The following ANXA13 variants were observed in gnomAD, a reference collection of about 807,000 sequenced individuals.
The protein encoded by ANXA13 is annexin XIII.
A neutral mutation model predicts 46.6 loss-of-function variants in ANXA13; 36 were observed. The observed-to-expected ratio is 0.77, with a 90% CI of 0.59 to 1.02. The LOEUF (loss-of-function observed/expected upper bound fraction) is 1.02. Ranked by LOEUF, ANXA13 falls within the 50% of genes least tolerant of loss-of-function variation. The probability of loss-of-function intolerance (pLI) is 0.00; values close to 1 mark genes in which losing one functional copy is unlikely to be tolerated. For synonymous variants in ANXA13, 163 were observed against 152.9 expected (o/e 1.07, Z -0.49); for missense variants, 417 against 396.5 (o/e 1.05, Z -0.44).
At chr8:123,681,798 T>C (rs1813045242) in intron 10 of ANXA13, among the ~76,000 whole-genome samples, 1 of 151,958 alleles carries the variant, frequency 6.6e-6, no homozygotes, top group African/African-American at 2.4e-5. Context: ...TTTTTTTCTG[T>C]ATTTTTAGTA....
chr8:123,712,695 T>G lies in ANXA13; in HGVS notation c.74A>C (p.Lys25Thr). ...DVDRDAKKLNKACKGMGTNEA... is the reference protein window; with the variant it reads ...DVDRDAKKLNTACKGMGTNEA... ...TCTCATACCCATTCCTTTGCAGGCT[T>G]TGTTCAGCTTTTTGGCATCTCGATC... Residue 25 changes from lysine to threonine, a missense_variant, in exon 2 of 11, where the codon AAA becomes ACA. Transcript: ENST00000419625. 1 of 1,614,208 alleles carries G rather than the reference T, an allele frequency of 6.2e-7. No homozygotes were observed. The highest frequency in any genetic ancestry group is 8.5e-7 in the Non-Finnish European group (1 of 1,180,026).
intron 4 of ANXA13, among the ~76,000 whole-genome samples, chr8:123,697,860 A>G (rs1028369135): frequency 8.5e-5 from 13 of 152,246 alleles, no homozygotes; most frequent in Admixed American, 8.5e-4. Flanking sequence ...CAAAGGTGGC[A>G]TGTGCCGAGT....
At chr8:123,687,989 G>T (rs1381596796) in intron 9 of ANXA13, among the ~76,000 whole-genome samples, 1 of 152,194 alleles carries the variant, frequency 6.6e-6, no homozygotes, top group African/African-American at 2.4e-5. Context: ...TGAAAACATT[G>T]AAAGGAACCA....
At position 123,712,740 on chromosome 8, in the gene ANXA13, C is replaced by T. The variant is rs1489939892; in HGVS notation, c.29G>A (p.Ser10Asn). Residue 10 changes from serine (S) to asparagine (N), a missense_variant, in exon 2 of 11, where the codon AGT becomes AAT. Coordinates refer to ENST00000419625, the MANE Select transcript of ANXA13 (RefSeq NM_004306.4). ...TCGATCCACATCAAAACCCTGAGGA[C>T]TGCTCGCTTTAGCCTGGAGAAAATA... MGNRHAKAS[S>N]PQGFDVDRDA... 6.2e-7 allele frequency: 1 copy of T among 1,614,198 alleles called. No individual in the cohort carries two copies. Among genetic ancestry groups the T allele is most frequent in the Admixed American group, 1.7e-5 (1 of 60,028 alleles).
At chr8:123,701,531 A>G (rs1225583017) in intron 3 of ANXA13, among the ~76,000 whole-genome samples, 2 of 152,210 alleles carry the variant, frequency 1.3e-5, no homozygotes, top group Non-Finnish European at 2.9e-5. Flanking sequence ...CATGCATTCA[A>G]TTAAATGCAG....
At chr8:123,734,263 C>T (rs918426532) in intron 1 of ANXA13, among the ~76,000 whole-genome samples, 1 of 152,198 alleles carries the variant, frequency 6.6e-6, no homozygotes, top group South Asian at 2.1e-4. Context: ...GATCTCACTT[C>T]TGTATTTTTC....
intron 2 of ANXA13, among the ~76,000 whole-genome samples, chr8:123,707,934 T>C (rs1813571539): frequency 6.6e-6 from 1 of 152,122 alleles, no homozygotes; most frequent in Non-Finnish European, 1.5e-5. Context: ...AAAACAGTCC[T>C]GAGACGGCCC....
At chr8:123,685,493 G>GAA (rs948529828) in intron 9 of ANXA13, among the ~76,000 whole-genome samples, 2 of 148,476 alleles carry the variant, frequency 1.3e-5, no homozygotes, top group African/African-American at 5.0e-5. Context: ...CACGTTAGAG[G>GAA]AAAAAAAAAA....
At chr8:123,725,862 G>A (rs558142829) in intron 1 of ANXA13, among the ~76,000 whole-genome samples, 1 of 152,270 alleles carries the variant, frequency 6.6e-6, no homozygotes, top group South Asian at 2.1e-4. Context: ...ATCTGCGGGG[G>A]TTGATCAGAG....
At chr8:123,729,463 T>C (rs1814067478) in intron 1 of ANXA13, among the ~76,000 whole-genome samples, 1 of 152,086 alleles carries the variant, frequency 6.6e-6, no homozygotes, top group African/African-American at 2.4e-5. Context: ...TTCTGGCCAG[T>C]GAGATAGAAA....
intron 9 of ANXA13, among the ~76,000 whole-genome samples, chr8:123,686,359 C>G (rs141760148): frequency 6.6e-6 from 1 of 151,616 alleles, no homozygotes; most frequent in Non-Finnish European, 1.5e-5. Context: ...ACTTGAGAAG[C>G]TGAGGCATGA....
intron 3 of ANXA13, among the ~76,000 whole-genome samples, chr8:123,698,801 A>G (rs1308051140): frequency 6.6e-6 from 1 of 152,228 alleles, no homozygotes; most frequent in African/African-American, 2.4e-5. Context: ...CCGATGAATC[A>G]CAATAACAAC....
intron 1 of ANXA13, 88 bp downstream of exon 1, chr8:123,737,232 T>A: frequency 7.9e-7 from 1 of 1,269,174 alleles, no homozygotes; most frequent in Non-Finnish European, 1.1e-6. Flanking sequence ...TGATAAAGTA[T>A]ACAAGTATCA....
At chr8:123,683,677 T>G (rs1320475226) in intron 10 of ANXA13, among the ~76,000 whole-genome samples, 3 of 151,014 alleles carry the variant, frequency 2.0e-5, no homozygotes, top group Non-Finnish European at 2.9e-5. Flanking sequence ...ACCTCCACCT[T>G]CTGGGTTCAA....
intron 8 of ANXA13, among the ~76,000 whole-genome samples, chr8:123,692,750 A>G (rs1813264181): frequency 6.6e-6 from 1 of 152,174 alleles, no homozygotes; most frequent in African/African-American, 2.4e-5. Context: ...GATGATGTTC[A>G]CGGTTCCTGT....
intron 2 of ANXA13, among the ~76,000 whole-genome samples, chr8:123,711,112 G>A (rs915509092): frequency 4.6e-5 from 7 of 152,030 alleles, no homozygotes; most frequent in Non-Finnish European, 7.4e-5. Context: ...TCTGTTGGTC[G>A]TCTCCCCCTT....
chr8:123,691,400 A>C (rs1343789334), intron 8 of ANXA13, among the ~76,000 whole-genome samples: 1 of 152,146 alleles, frequency 6.6e-6, no homozygotes, highest in Non-Finnish European at 1.5e-5. Context: ...CATGTAAAGA[A>C]TCATCAAATC....
At chr8:123,720,065 G>A (rs1813832476) in intron 1 of ANXA13, among the ~76,000 whole-genome samples, 1 of 152,230 alleles carries the variant, frequency 6.6e-6, no homozygotes, top group Non-Finnish European at 1.5e-5. Flanking sequence ...CAATGGGAGT[G>A]GCATTTGGAC....
At chr8:123,700,586 G>A (rs1813426278) in intron 3 of ANXA13, among the ~76,000 whole-genome samples, 3 of 152,124 alleles carry the variant, frequency 2.0e-5, no homozygotes, top group Admixed American at 2.0e-4. Context: ...ACAAAGTTTT[G>A]TGCCAGAACA....
Sources: gnomAD v4.1 joint callset for allele counts (sites outside exome capture counted in the v4.1 genomes callset) on GRCh38, gnomAD v4.1.1 for gene constraint, MANE v1.5 for transcripts, NCBI Gene and HGNC (gene_info 2026-07-23, HGNC 2026-07-21) for gene names.